The following KYAT3 variants were observed in gnomAD, a reference collection of about 807,000 sequenced individuals.
KYAT3 encodes kynurenine aminotransferase 3, also known as kynurenine--oxoglutarate transaminase 3.
A neutral mutation model predicts 59.0 loss-of-function variants in KYAT3; 50 were observed. The ratio of observed to expected loss-of-function variants is 0.85; its 90% confidence interval spans 0.68 to 1.07. The LOEUF is 1.07. Among genes scored for constraint, KYAT3 ranks in the 50% least tolerant of loss-of-function variants. The pLI, the probability that KYAT3 is intolerant of heterozygous loss-of-function variation, is 0.00. For synonymous variants in KYAT3, 148 were observed against 177.0 expected, an observed-to-expected ratio of 0.84 and a Z score of 1.30; for missense variants, 497 against 533.3, an observed-to-expected ratio of 0.93 and a Z score of 0.67.
chr1:88,962,665 A>C (rs2101046786), intron 5 of KYAT3, among the ~76,000 whole-genome samples: 1 of 152,238 alleles, frequency 6.6e-6, no homozygotes, highest in South Asian at 2.1e-4. Flanking sequence ...AGCACGGTTA[A>C]TTTTTGTATT....
intron 2 of KYAT3, chr1:88,979,519 A>C (rs1676969857): frequency 6.6e-6 from 1 of 152,244 alleles, no homozygotes; most frequent in South Asian, 2.1e-4. Context: ...AAGACAAACA[A>C]TCCAATTAAA....
Position 88,964,948 on chromosome 1 carries a change from A to C in KYAT3, c.334T>G (p.Tyr112Asp). The stretch of plus-strand genomic sequence containing the variant: ...TTTTGATAAAGCTTTTCATACAGAT[A>C]GGACAGAGCTTTCACAAGTGATGGA... ...GHPSLVKALS[Y>D]LYEKLYQKQI... The change falls in exon 5 of 14, where the codon TAT (tyrosine) becomes GAT (aspartate). Residue 112 changes from tyrosine to aspartate, a missense_variant. Physicochemically the swap from Tyr to Asp is radical, Grantham distance 160. This residue lies in a region of KYAT3 where 469 missense variants were observed against 479.1 expected (regional missense o/e 0.98). Transcript: ENST00000260508. The C allele has an allele frequency of 6.2e-7, 1 of 1,603,592 alleles. No homozygotes were observed. Among genetic ancestry groups the C allele is most frequent in the Non-Finnish European group, 8.5e-7 (1 of 1,177,686 alleles).
At chr1:88,964,139 G>A (rs1355300861) in intron 5 of KYAT3, among the ~76,000 whole-genome samples, 1 of 152,178 alleles carries the variant, frequency 6.6e-6, no homozygotes, top group Non-Finnish European at 1.5e-5. Context: ...TGAGGTGGAG[G>A]TTGCAGTGAC....
rs1428688707 is a variant in KYAT3 at position 88,969,422 on chromosome 1, C to A, written c.145G>T (p.Asp49Tyr). The A allele has an allele frequency of 4.5e-6, 7 of 1,567,716 alleles. No homozygotes were observed. The highest frequency in any genetic ancestry group is 6.1e-6 in the Non-Finnish European group (7 of 1,139,716). ...TAAGATACTCACCACACATTACTAT[C>A]AAGTCCTTCAATCCGTTTTGCATTT... Reference protein sequence around the residue: ...FTNAKRIEGLDSNVWIEFTKL... With the variant: ...FTNAKRIEGLYSNVWIEFTKL... The change falls in exon 3 of 14, where the codon GAT (aspartate) becomes TAT (tyrosine). Residue 49 changes from aspartate to tyrosine, a missense_variant. This residue lies in a region of KYAT3 where 469 missense variants were observed against 479.1 expected (regional missense o/e 0.98). Transcript: ENST00000260508.
At chr1:88,929,324 C>G in the KYAT3 span, among the ~76,000 whole-genome samples, 1 of 152,280 alleles carries the variant, frequency 6.6e-6, no homozygotes, top group Admixed American at 6.5e-5. Flanking sequence ...CCTCTATACC[C>G]AGCTGTACCT....
Position 88,962,117 on chromosome 1 carries a change from CAGTCATAGAAAGGCACTATTAGT to C in KYAT3, c.459_481del (p.Ile153MetfsTer3). On this transcript the variant is annotated frameshift_variant, in exon 6 of 14. Transcript: ENST00000260508. LOFTEE classifies it high-confidence loss of function. ...AGCCATTCTCACCATGGGCTCATAG[CAGTCATAGAAAGGCACTATTAGT>C]ATGACCTGCAATAAAAGCAAATAAG... The C allele has an allele frequency of 6.2e-7, 1 of 1,613,828 alleles. No individual in the cohort carries two copies. The highest frequency in any genetic ancestry group is 1.3e-5 in the African/African-American group (1 of 75,026).
chr1:88,983,630 G>A lies in KYAT3; in HGVS notation c.99+4622C>T, dbSNP rs141476156. On this transcript the variant is annotated intron_variant, in intron 2 of 13. Transcript: ENST00000260508. Reference sequence around the variant, plus strand: ...TAATGACTTTCCATTCATGTCTCTGGCTGCATCCTTAGCGTCTGCTGGGCT... The same window carrying A: ...TAATGACTTTCCATTCATGTCTCTGACTGCATCCTTAGCGTCTGCTGGGCT... 6.1e-4 allele frequency: 979 copies of A among 1,604,222 alleles called. No homozygotes were observed. In the African/African-American group the frequency reaches 0.014, roughly 22 times the overall value.
intron 1 of KYAT3, 46 bp from the exon 2 acceptor site, chr1:88,988,397 G>C: frequency 9.3e-7 from 1 of 1,079,942 alleles, no homozygotes; most frequent in Non-Finnish European, 1.4e-6. Flanking sequence ...ATATATGATG[G>C]GTACATCACT....
At chr1:88,989,395 T>C (rs571995284) in intron 1 of KYAT3, among the ~76,000 whole-genome samples, 1 of 152,336 alleles carries the variant, frequency 6.6e-6, no homozygotes, top group East Asian at 1.9e-4. Flanking sequence ...CTATCTGTAG[T>C]CAAGTTATGG....
the KYAT3 span, among the ~76,000 whole-genome samples, chr1:88,924,920 T>C: frequency 0.015 from 2,252 of 152,222 alleles, 56 homozygotes; most frequent in African/African-American, 0.051. Context: ...TTCCATTCCT[T>C]GGAATCCGTG....
At chr1:88,941,531 A>ATTT (rs5776007) in intron 13 of KYAT3, among the ~76,000 whole-genome samples, 1 of 146,282 alleles carries the variant, frequency 6.8e-6, no homozygotes, top group African/African-American at 2.5e-5. Flanking sequence ...CTAGGCTGTT[A>ATTT]TTTTTTTTTT....
chr1:88,936,653 C>T (rs1675048811), intron 13 of KYAT3, among the ~76,000 whole-genome samples: 1 of 140,916 alleles, frequency 7.1e-6, no homozygotes, highest in Non-Finnish European at 1.6e-5. Context: ...TATATCTATA[C>T]TTTGCTCTGA....
chr1:88,988,785 T>C (rs1313611811), intron 1 of KYAT3, among the ~76,000 whole-genome samples: 1 of 152,210 alleles, frequency 6.6e-6, no homozygotes, highest in Non-Finnish European at 1.5e-5. Flanking sequence ...ATTAAAGTTG[T>C]TAGAAACAGT....
At chr1:88,949,367 A>G (rs1675585672) in intron 10 of KYAT3, 90 bp from the exon 11 acceptor site, 1 of 931,150 alleles carries the variant, frequency 1.1e-6, no homozygotes, top group East Asian at 3.0e-5. Context: ...AGATGATCTG[A>G]GTAAAATTAT....
the KYAT3 span, among the ~76,000 whole-genome samples, chr1:88,924,995 T>A: frequency 6.6e-6 from 1 of 152,204 alleles, no homozygotes; most frequent in Non-Finnish European, 1.5e-5. Context: ...CCCGCCGCCA[T>A]CTTGGGAGCT....
chr1:88,981,225 T>A (rs1273582440), intron 2 of KYAT3: 1 of 152,244 alleles, frequency 6.6e-6, no homozygotes, highest in Non-Finnish European at 1.5e-5. Flanking sequence ...AGTTTTATTC[T>A]ACAACTAAAC....
At chr1:88,925,324 C>T in the KYAT3 span, among the ~76,000 whole-genome samples, 2 of 152,230 alleles carry the variant, frequency 1.3e-5, no homozygotes, top group South Asian at 2.1e-4. Flanking sequence ...ACCCATACCT[C>T]CTGGGTCCCG....
intron 8 of KYAT3, among the ~76,000 whole-genome samples, chr1:88,955,837 GTGTGTGTGCA>G (rs1395284762): frequency 5.3e-5 from 8 of 152,112 alleles, no homozygotes; most frequent in East Asian, 3.8e-4. Context: ...ACATGTGTGT[GTGTGTGTGCA>G]TGTGTGTGTG....
chr1:88,986,889 C>T (rs1344016401), intron 2 of KYAT3, among the ~76,000 whole-genome samples: 2 of 152,156 alleles, frequency 1.3e-5, no homozygotes, highest in African/African-American at 4.8e-5. Flanking sequence ...TTATCTTTAT[C>T]CCTGTGCGAC....
Sources: allele counts gnomAD v4.1 joint callset (sites outside exome capture counted in the v4.1 genomes callset), GRCh38; gene constraint gnomAD v4.1.1; regional missense constraint gnomAD v4.1.1; transcripts MANE v1.5; gene names NCBI Gene and HGNC (gene_info 2026-07-23, HGNC 2026-07-21).